Variants in ATP10B observed in about 807,000 individuals in gnomAD.
The protein encoded by ATP10B is ATPase phospholipid transporting 10B (putative).
A neutral mutation model predicts 141.2 loss-of-function variants in ATP10B; 122 were observed. The observed-to-expected ratio is 0.86, with a 90% CI of 0.75 to 1.00. ATP10B has a LOEUF of 1.00. Ranked by LOEUF, ATP10B falls within the 50% of genes least tolerant of loss-of-function variation. The pLI is 0.00. For missense variants in ATP10B, 1,876 were observed against 1,825.3 expected, an observed-to-expected ratio of 1.03 and a Z score of -0.51; for synonymous variants, 685 against 692.0, an observed-to-expected ratio of 0.99 and a Z score of 0.16.
At chr5:160,857,176 C>A (rs1294527039), upstream of ATP10B, among the ~76,000 whole-genome samples, 4 of 151,722 alleles carry the variant, frequency 2.6e-5, no homozygotes, top group Admixed American at 1.3e-4. Context: ...CCAGTGAAAT[C>A]ATCTGGGTCT....
chr5:160,781,653 G>GAGCA (rs779057012), intron 2 of ATP10B, among the ~76,000 whole-genome samples: 2 of 152,040 alleles, frequency 1.3e-5, no homozygotes, highest in Non-Finnish European at 2.9e-5. Context: ...GTGTGTTTTG[G>GAGCA]AGCAACTCAT....
intron 1 of ATP10B, among the ~76,000 whole-genome samples, chr5:160,830,335 C>CT (rs1409590798): frequency 6.6e-6 from 1 of 151,954 alleles, no homozygotes; most frequent in African/African-American, 2.4e-5. Context: ...CACTTCTTAA[C>CT]TTTTTTAATT....
At chr5:160,593,711 C>T (rs757613769) in intron 22 of ATP10B, among the ~76,000 whole-genome samples, 4 of 152,154 alleles carry the variant, frequency 2.6e-5, no homozygotes, top group Non-Finnish European at 5.9e-5. Flanking sequence ...CAGAGAAGTG[C>T]TTAAAGGAGC....
chr5:160,662,166 ACATTC>A (rs1210994205), intron 7 of ATP10B, among the ~76,000 whole-genome samples: 1 of 152,188 alleles, frequency 6.6e-6, no homozygotes, highest in African/African-American at 2.4e-5. Flanking sequence ...AAATGGAAGA[ACATTC>A]CATGCTCATG....
At chr5:160,744,210 G>A (rs1412058241) in intron 2 of ATP10B, among the ~76,000 whole-genome samples, 1 of 152,266 alleles carries the variant, frequency 6.6e-6, no homozygotes, top group Admixed American at 6.5e-5. Flanking sequence ...AATCTGAGAT[G>A]AGCCATTACC....
At chr5:160,635,828 C>T (rs181783020) in intron 11 of ATP10B, among the ~76,000 whole-genome samples, 2 of 152,292 alleles carry the variant, frequency 1.3e-5, no homozygotes, top group African/African-American at 2.4e-5. Context: ...AGTTCTCTGT[C>T]GCTCACTGTG....
chr5:160,761,713 C>A (rs1185430000), intron 2 of ATP10B, among the ~76,000 whole-genome samples: 1 of 152,090 alleles, frequency 6.6e-6, no homozygotes, highest in Admixed American at 6.6e-5. Context: ...AGCCCTCCAG[C>A]AATGAATCCA....
intron 22 of ATP10B, among the ~76,000 whole-genome samples, chr5:160,594,423 A>G (rs1442941857): frequency 2.6e-5 from 4 of 152,252 alleles, no homozygotes; most frequent in East Asian, 1.9e-4. Flanking sequence ...AGTACCAGCC[A>G]CTGCAAAATC....
chr5:160,775,470 A>G (rs1445021931), intron 2 of ATP10B, among the ~76,000 whole-genome samples: 2 of 152,096 alleles, frequency 1.3e-5, no homozygotes, highest in Non-Finnish European at 2.9e-5. Context: ...GCACAGAAAA[A>G]TAAGATGCAC....
chr5:160,873,377 A>G, the ATP10B span, among the ~76,000 whole-genome samples: 3 of 152,220 alleles, frequency 2.0e-5, no homozygotes, highest in Admixed American at 1.3e-4. Flanking sequence ...TCAATATCAT[A>G]GTAGAAGTCC....
chr5:160,846,086 A>C (rs1194391930), intron 1 of ATP10B, among the ~76,000 whole-genome samples: 1 of 152,200 alleles, frequency 6.6e-6, no homozygotes, highest in Non-Finnish European at 1.5e-5. Context: ...ATTTATATAT[A>C]TATCACAGAG....
At chr5:160,686,967 T>A in intron 5 of ATP10B, 1 of 985,448 alleles carries the variant, frequency 1.0e-6, no homozygotes, top group Non-Finnish European at 1.2e-6. Flanking sequence ...GTTTTCAAGT[T>A]TTCCACGTGC....
intron 6 of ATP10B, among the ~76,000 whole-genome samples, chr5:160,679,598 C>G (rs1369365050): frequency 1.3e-5 from 2 of 152,206 alleles, no homozygotes; most frequent in Non-Finnish European, 2.9e-5. Context: ...TGCAGGTAGG[C>G]TACCGAAGCA....
intron 1 of ATP10B, among the ~76,000 whole-genome samples, chr5:160,807,370 G>A (rs1469983277): frequency 6.6e-6 from 1 of 152,062 alleles, no homozygotes; most frequent in Non-Finnish European, 1.5e-5. Context: ...TATTCAAAAT[G>A]GACTTTTTAA....
chr5:160,659,558 G>T (rs1581293146), intron 7 of ATP10B, among the ~76,000 whole-genome samples: 1 of 152,104 alleles, frequency 6.6e-6, no homozygotes, highest in East Asian at 1.9e-4. Flanking sequence ...GGCTCTAAAG[G>T]AAAAGACCTT....
intron 7 of ATP10B, among the ~76,000 whole-genome samples, chr5:160,666,956 C>T (rs1414801792): frequency 1.3e-5 from 2 of 152,172 alleles, no homozygotes; most frequent in East Asian, 1.9e-4. Flanking sequence ...CAGTGGCTCA[C>T]GCCTGTAATT....
intron 3 of ATP10B, among the ~76,000 whole-genome samples, chr5:160,714,880 G>T (rs1054676441): frequency 2.0e-5 from 3 of 146,934 alleles, no homozygotes; most frequent in Non-Finnish European, 4.5e-5. Flanking sequence ...TGCCGTGTGA[G>T]GTGTCAGTGT....
chr5:160,819,007 T>C lies in ATP10B; in HGVS notation c.-576+32934A>G, dbSNP rs184035957. 7.1e-3 allele frequency among the ~76,000 whole-genome samples: 1,066 copies of C among 150,678 alleles called. 18 individuals are homozygous for C. Among genetic ancestry groups the C allele is most frequent in the African/African-American group, 0.025 (1,005 of 40,958 alleles). Reference sequence around the variant, plus strand: ...CACACCAGGGCCTGTTGCTGGGGGGTGGGAGTGGGGACGGATAGCATTAGG... The same window carrying C: ...CACACCAGGGCCTGTTGCTGGGGGGCGGGAGTGGGGACGGATAGCATTAGG... On this transcript the variant is annotated intron_variant, in intron 1 of 25. Transcript: ENST00000327245.
At chr5:160,672,685 A>C (rs1762787419) in intron 6 of ATP10B, among the ~76,000 whole-genome samples, 1 of 152,234 alleles carries the variant, frequency 6.6e-6, no homozygotes, top group South Asian at 2.1e-4. Context: ...GGGCTTCTTC[A>C]CTGATGCTGA....
Sources: allele counts gnomAD v4.1 joint callset (sites outside exome capture counted in the v4.1 genomes callset), GRCh38; gene constraint gnomAD v4.1.1; transcripts MANE v1.5; gene names NCBI Gene and HGNC (gene_info 2026-07-23, HGNC 2026-07-21).